The following NIPBL variants were observed in gnomAD, a reference collection of about 807,000 sequenced individuals.
The protein encoded by NIPBL is NIPBL cohesin loading factor.
NIPBL carries 19 observed loss-of-function variants against 321.8 expected under a neutral mutation model. The observed-to-expected ratio is 0.06, with a 90% CI of 0.04 to 0.09. The LOEUF (loss-of-function observed/expected upper bound fraction) is 0.09. Ranked by LOEUF, NIPBL falls within the 10% of genes least tolerant of loss-of-function variation. The pLI is 1.00. For synonymous variants in NIPBL, 1,106 were observed against 1,114.1 expected (o/e 0.99, Z 0.14); for missense variants, 2,210 against 3,327.0 (o/e 0.66, Z 8.26).
intron 42 of NIPBL, among the ~76,000 whole-genome samples, chr5:37,053,075 A>G (rs1753739815): frequency 6.6e-6 from 1 of 152,126 alleles, no homozygotes; most frequent in Non-Finnish European, 1.5e-5. Flanking sequence ...GGATAGTACT[A>G]ATTATTATAT....
At position 36,955,621 on chromosome 5, in the gene NIPBL, G is replaced by T; in HGVS notation, c.214G>T (p.Val72Leu). 6.2e-7 allele frequency: 1 copy of T among 1,613,874 alleles called. No individual in the cohort carries two copies. Among genetic ancestry groups the T allele is most frequent in the Non-Finnish European group, 8.5e-7 (1 of 1,179,900 alleles). ...VSQLVHSLNQVSTDHIELKDN... is the reference protein window; with the variant it reads ...VSQLVHSLNQLSTDHIELKDN... Reference sequence around the variant, plus strand: ...ACAGCTTGTCCATAGCCTCAACCAGGTATCAACAGATCACATGTAAGTATG... The same window carrying T: ...ACAGCTTGTCCATAGCCTCAACCAGTTATCAACAGATCACATGTAAGTATG... The change falls in exon 3 of 47, where the codon GTA becomes TTA. Residue 72 changes from valine to leucine, a missense_variant. This residue lies in a region of NIPBL where 464 missense variants were observed against 529.5 expected (regional missense o/e 0.88). Transcript: ENST00000282516.
At position 36,976,258 on chromosome 5, in the gene NIPBL, T is replaced by G; in HGVS notation, c.1351T>G (p.Ser451Ala). ...AGTTGCTGCAAAACAACCCCAGACTTCTGTGGTACAGAATCAACAACAGAT... is the reference window on the plus strand; with the variant it reads ...AGTTGCTGCAAAACAACCCCAGACTGCTGTGGTACAGAATCAACAACAGAT... ...TSVAAKQPQT[S>A]VVQNQQQISQ... is the part of the protein sequence containing the mutation. Residue 451 changes from serine (S) to alanine (A), a missense_variant, in exon 9 of 47, where the codon TCT becomes GCT. By Grantham distance (99) the Ser-to-Ala change is moderately conservative. This residue lies in a region of NIPBL where 464 missense variants were observed against 529.5 expected (regional missense o/e 0.88). Transcript: ENST00000282516. 6.2e-7 allele frequency: 1 copy of G among 1,613,806 alleles called. No individual in the cohort carries two copies. The highest frequency in any genetic ancestry group is 1.6e-4 in the Middle Eastern group (1 of 6,062).
intron 27 of NIPBL, among the ~76,000 whole-genome samples, chr5:37,021,581 T>C (rs1239794851): frequency 6.6e-6 from 1 of 151,934 alleles, no homozygotes; most frequent in African/African-American, 2.4e-5. Flanking sequence ...CTCAGGAGGC[T>C]GAGGCAGGAG....
chr5:36,929,045 A>G (rs796093644), intron 1 of NIPBL, among the ~76,000 whole-genome samples: 1 of 137,024 alleles, frequency 7.3e-6, no homozygotes, highest in Non-Finnish European at 1.7e-5. Context: ...TTGCTGGGTC[A>G]TATGATAATT....
In NIPBL at chr5:37,063,847, T is replaced by G; in HGVS notation, c.7918T>G (p.Ser2640Ala). Residue 2640 changes from serine (S) to alanine (A), a missense_variant, in exon 46 of 47, where the codon TCA (serine) becomes GCA (alanine). Ser to Ala is a moderately conservative substitution (Grantham distance 99). Transcript: ENST00000282516. ...TGAAGAAGAAGAAGAAGGGGAGGTT[T>G]CAGCTAGCACAAATGCTCGGAACAA... ...PDEEEEEGEV[S>A]ASTNARNKAI... The G allele has an allele frequency of 6.2e-7, 1 of 1,614,110 alleles. No individual in the cohort carries two copies. The highest frequency in any genetic ancestry group is 8.5e-7 in the Non-Finnish European group (1 of 1,180,008).
At chr5:36,879,288 T>G (rs1168748247) in intron 1 of NIPBL, among the ~76,000 whole-genome samples, 1 of 152,236 alleles carries the variant, frequency 6.6e-6, no homozygotes, top group African/African-American at 2.4e-5. Context: ...ATGTGATTGA[T>G]TCTTTTTTTT....
At chr5:37,042,896 C>T (rs938844570) in intron 34 of NIPBL, among the ~76,000 whole-genome samples, 7 of 148,740 alleles carry the variant, frequency 4.7e-5, no homozygotes, top group South Asian at 4.2e-4. Flanking sequence ...TACACACACG[C>T]GCGCACACAC....
At chr5:36,959,882 T>C (rs1043171453) in intron 4 of NIPBL, among the ~76,000 whole-genome samples, 1 of 152,172 alleles carries the variant, frequency 6.6e-6, no homozygotes, top group African/African-American at 2.4e-5. Context: ...AATTAATCAA[T>C]TAATTGCATG....
chr5:36,960,853 C>T (rs968456050), intron 4 of NIPBL, among the ~76,000 whole-genome samples: 1 of 152,064 alleles, frequency 6.6e-6, no homozygotes, highest in Non-Finnish European at 1.5e-5. Flanking sequence ...ATGTAAGAAC[C>T]AGAATGCTCT....
chr5:37,037,318 G>T (rs1270095824), intron 33 of NIPBL, among the ~76,000 whole-genome samples: 2 of 150,868 alleles, frequency 1.3e-5, no homozygotes, highest in African/African-American at 2.4e-5. Context: ...AGCCCGGGAG[G>T]CAGAGCTTGC....
In NIPBL at chr5:37,003,170, A is replaced by G. The variant is rs951896680; in HGVS notation, c.3769-91A>G. On this transcript the variant is annotated intron_variant, in intron 15 of 46. Coordinates refer to ENST00000282516, the MANE Select transcript of NIPBL (RefSeq NM_133433.4). ...AGAGGGTGACAATGCTATTTCCTCC[A>G]TAGCTCAAAGGGAATAATTGTACAG... 4 of 827,266 alleles carry G rather than the reference A, an allele frequency of 4.8e-6. No homozygotes were observed. In the African/African-American group the frequency reaches 5.0e-5, roughly 10 times the overall value. The allele number at this position is 827,266 out of a possible 1,614,324, so 51.2% of individuals were successfully genotyped here.
chr5:36,886,196 A>G (rs568806142), intron 1 of NIPBL: 4 of 652,356 alleles, frequency 6.1e-6, no homozygotes, highest in African/African-American at 5.3e-5. Flanking sequence ...GAGACCTGCT[A>G]TGCCCTGCAG....
intron 1 of NIPBL, among the ~76,000 whole-genome samples, chr5:36,910,221 G>C (rs1479558041): frequency 6.6e-6 from 1 of 152,204 alleles, no homozygotes; most frequent in Non-Finnish European, 1.5e-5. Context: ...TTCAAAGGTT[G>C]AGAAAGGGAA....
intron 1 of NIPBL, among the ~76,000 whole-genome samples, chr5:36,949,914 C>T (rs892268738): frequency 6.6e-6 from 1 of 151,870 alleles, no homozygotes; most frequent in Non-Finnish European, 1.5e-5. Flanking sequence ...CTTAAAAGTT[C>T]CCTTCAGACT....
rs1250680024 is a variant in NIPBL at position 36,971,962 on chromosome 5, A to C, written c.789A>C (p.Thr263=). ...ATTTTTAGGATGGAGATTCTTCAAC[A>C]ATGAGGAATGCTGCATCTTTTCCCT... ...RLSSDDGDSS[T]MRNAASFPLR... The change falls in exon 8 of 47, where the codon ACA becomes ACC. Residue 263 remains threonine (T), a synonymous_variant. Transcript: ENST00000282516. 1.2e-6 allele frequency: 2 copies of C among 1,612,744 alleles called. No homozygotes were observed. Among genetic ancestry groups the C allele is most frequent in the Non-Finnish European group, 1.7e-6 (2 of 1,179,026 alleles).
At chr5:36,955,780 C>T in intron 3 of NIPBL, 143 bp downstream of exon 3, 1 of 666,066 alleles carries the variant, frequency 1.5e-6, no homozygotes, top group South Asian at 1.8e-5. Context: ...AGAATATAGT[C>T]TTATTGCAAT....
intron 21 of NIPBL, among the ~76,000 whole-genome samples, chr5:37,013,403 T>A (rs1029827085): frequency 1.3e-5 from 2 of 150,166 alleles, no homozygotes; most frequent in African/African-American, 4.9e-5. Flanking sequence ...CGCTCCTCAC[T>A]TCCCAGACAG....
chr5:36,968,295 C>T (rs1287781850), intron 6 of NIPBL, among the ~76,000 whole-genome samples: 2 of 151,968 alleles, frequency 1.3e-5, no homozygotes, highest in African/African-American at 2.4e-5. Flanking sequence ...ACATTTAAAA[C>T]TTTTCACTGA....
At chr5:36,889,139 G>A (rs1746134145) in intron 1 of NIPBL, among the ~76,000 whole-genome samples, 2 of 152,102 alleles carry the variant, frequency 1.3e-5, no homozygotes. Context: ...GGTGGGGCTT[G>A]CTAAATACTG....
Sources: gnomAD v4.1 joint callset for allele counts (sites outside exome capture counted in the v4.1 genomes callset) on GRCh38, gnomAD v4.1.1 for gene constraint, gnomAD v4.1.1 regional missense constraint, MANE v1.5 for transcripts, NCBI Gene and HGNC (gene_info 2026-07-23, HGNC 2026-07-21) for gene names.